Variants in PECAM1 observed in about 807,000 individuals in gnomAD.
PECAM1 encodes the protein platelet endothelial cell adhesion molecule.
Under a neutral mutation model 13.8 loss-of-function variants are expected in PECAM1, and 8 were observed. The ratio of observed to expected loss-of-function variants is 0.58; its 90% CI spans 0.34 to 1.05. The LOEUF is 1.05. PECAM1 is among the 50% of genes least tolerant of loss of function. PECAM1 has a pLI of 0.03. For synonymous variants in PECAM1, 136 were observed against 52.6 expected (o/e 2.58, Z -6.86); for missense variants, 304 against 141.2 (o/e 2.15, Z -5.84).
intron 4 of PECAM1, among the ~76,000 whole-genome samples, chr17:64,374,228 G>A (rs961188925): frequency 6.6e-6 from 1 of 152,168 alleles, no homozygotes; most frequent in East Asian, 1.9e-4. Flanking sequence ...GGTGGCTCAC[G>A]CCTGTAATCC....
At chr17:64,363,821 G>C (rs1309904758) in intron 5 of PECAM1, among the ~76,000 whole-genome samples, 1 of 151,966 alleles carries the variant, frequency 6.6e-6, no homozygotes, top group Non-Finnish European at 1.5e-5. Flanking sequence ...GTGGGCGCCT[G>C]TAATCCCAGA....
At chr17:64,384,198 G>A (rs987903839) in intron 2 of PECAM1, among the ~76,000 whole-genome samples, 12 of 152,070 alleles carry the variant, frequency 7.9e-5, no homozygotes, top group Non-Finnish European at 1.3e-4. Flanking sequence ...ACATTCCCAT[G>A]GCTAGCTCGA....
At chr17:64,355,616 C>T (rs1358963939) in intron 8 of PECAM1, among the ~76,000 whole-genome samples, 4 of 152,110 alleles carry the variant, frequency 2.6e-5, no homozygotes, top group South Asian at 2.1e-4. Context: ...TGAGCCACTG[C>T]GCCCAGCCTA....
intron 14 of PECAM1, among the ~76,000 whole-genome samples, chr17:64,335,090 C>T (rs1323992075): frequency 6.6e-6 from 1 of 151,466 alleles, no homozygotes; most frequent in African/African-American, 2.4e-5. Flanking sequence ...CCGCTCCAGA[C>T]CTAGTGAATG....
At chr17:64,351,395 AGAACAT>A (rs1338523673) in intron 11 of PECAM1, among the ~76,000 whole-genome samples, 1 of 152,216 alleles carries the variant, frequency 6.6e-6, no homozygotes, top group Non-Finnish European at 1.5e-5. Flanking sequence ...GAATTAGAAA[AGAACAT>A]GAGCATTCTA....
chr17:64,357,433 T>C (rs2035870959), intron 7 of PECAM1, among the ~76,000 whole-genome samples: 1 of 152,184 alleles, frequency 6.6e-6, no homozygotes, highest in Non-Finnish European at 1.5e-5. Flanking sequence ...CTACCTCCTG[T>C]ATCCGCTTTT....
chr17:64,390,648 G>A lies in PECAM1; in HGVS notation c.18C>T (p.Ala6=). The change falls in exon 1 of 16, where the codon GCC becomes GCT. Residue 6 remains alanine (A), a synonymous_variant. Transcript: ENST00000563924. ...CTCCAAGCCACATCGTGGCCCCTTG[G>A]GCCCACCTCGGCTGCATCCTGAGAG... MQPRW[A]QGATMWLGVL... is the part of the protein sequence containing the mutation. The A allele has an allele frequency of 2.1e-6, 1 of 469,430 alleles. No individual in the cohort carries two copies. Among genetic ancestry groups the A allele is most frequent in the African/African-American group, 2.0e-5 (1 of 50,556 alleles). 29.1% of individuals were successfully genotyped at this position (469,430 alleles called of 1,614,324 possible).
At chr17:64,343,815 G>A (rs1043716884) in intron 13 of PECAM1, among the ~76,000 whole-genome samples, 45 of 152,216 alleles carry the variant, frequency 3.0e-4, no homozygotes, top group Non-Finnish European at 5.3e-4. Flanking sequence ...TGTGGCACCA[G>A]ATGTGGGGGC....
intron 2 of PECAM1, among the ~76,000 whole-genome samples, chr17:64,389,328 G>A (rs1210372668): frequency 6.6e-6 from 1 of 152,172 alleles, no homozygotes; most frequent in African/African-American, 2.4e-5. Context: ...ACACTACTGA[G>A]CCCCCTCATT....
intron 10 of PECAM1, 150 bp downstream of exon 10, chr17:64,353,341 A>AC (rs2035775869): frequency 8.3e-6 from 3 of 361,862 alleles, no homozygotes; most frequent in African/African-American, 7.3e-5. Flanking sequence ...ACACACACAC[A>AC]ACTCACACAC....
At chr17:64,377,634 A>ACGG in intron 3 of PECAM1, 190 bp downstream of exon 3, 2 of 396,908 alleles carry the variant, frequency 5.0e-6, no homozygotes, top group Non-Finnish European at 8.9e-6. Context: ...GGAAGGAAGG[A>ACGG]AGGAAGGGCC....
At chr17:64,368,786 G>C (rs2036167993) in intron 5 of PECAM1, among the ~76,000 whole-genome samples, 1 of 150,878 alleles carries the variant, frequency 6.6e-6, no homozygotes, top group Non-Finnish European at 1.5e-5. Flanking sequence ...CTGGGAGGCA[G>C]AGGTTGTAGT....
Position 64,356,383 on chromosome 17 carries a change from A to G in PECAM1, c.1508T>C (p.Val503Ala). 2 of 468,484 alleles carry G rather than the reference A, an allele frequency of 4.3e-6. No individual in the cohort carries two copies. The highest frequency in any genetic ancestry group is 3.9e-6 in the Non-Finnish European group (1 of 256,090). The allele number at this position is 468,484 out of a possible 1,614,324, so 29.0% of individuals were successfully genotyped here. Reference protein sequence around the residue: ...RVKVIAPVDEVQISILSSKVV... With the variant: ...RVKVIAPVDEAQISILSSKVV... Reference sequence around the variant, plus strand: ...CTTACTTGACAGGATAGAAATCTGGACCTCATCCACCGGGGCTGAAAAGCA... The same window carrying G: ...CTTACTTGACAGGATAGAAATCTGGGCCTCATCCACCGGGGCTGAAAAGCA... Residue 503 changes from valine (V) to alanine (A), a missense_variant, in exon 8 of 16, where the codon GTC (valine) becomes GCC (alanine). Coordinates refer to ENST00000563924, the MANE Select transcript of PECAM1 (RefSeq NM_000442.5).
At chr17:64,373,707 A>G (rs1037298755) in intron 4 of PECAM1, among the ~76,000 whole-genome samples, 2 of 152,202 alleles carry the variant, frequency 1.3e-5, no homozygotes, top group Non-Finnish European at 2.9e-5. Flanking sequence ...CAGAGCACAC[A>G]TGATTTTATA....
chr17:64,325,910 C>T (rs1408002067), intron 15 of PECAM1, among the ~76,000 whole-genome samples: 3 of 152,166 alleles, frequency 2.0e-5, no homozygotes, highest in Admixed American at 2.0e-4. Context: ...GCTGGGGATG[C>T]AAGAAGCTGT....
At chr17:64,343,987 G>A (rs1398486755) in intron 13 of PECAM1, among the ~76,000 whole-genome samples, 1 of 152,180 alleles carries the variant, frequency 6.6e-6, no homozygotes, top group African/African-American at 2.4e-5. Context: ...GATCGGGCCT[G>A]GTCCCAGCTT....
intron 11 of PECAM1, among the ~76,000 whole-genome samples, chr17:64,351,574 G>A (rs2035724338): frequency 6.6e-6 from 1 of 152,156 alleles, no homozygotes; most frequent in African/African-American, 2.4e-5. Context: ...AATTAGCTGG[G>A]CATGGTGGCA....
In PECAM1 at chr17:64,361,309, C is replaced by G. The variant is rs1481939653; in HGVS notation, c.1217-894G>C. On this transcript the variant is annotated intron_variant, in intron 6 of 15. Coordinates refer to ENST00000563924, the MANE Select transcript of PECAM1 (RefSeq NM_000442.5). ...TACAGGCATGTGCCACCACACCCGG[C>G]TAACTTTTGTATTTTTAGTAGAGAG... Among the ~76,000 whole-genome samples, 3 of 152,090 alleles carry G rather than the reference C, an allele frequency of 2.0e-5. No individual in the cohort carries two copies. The South Asian group carries it at 6.2e-4, about 32-fold the overall frequency.
rs149392197 is a variant in PECAM1 at position 64,325,600 on chromosome 17, G to C, written c.2188-1755C>G. Among the ~76,000 whole-genome samples, 563 of 152,194 alleles carry C rather than the reference G, an allele frequency of 3.7e-3. 2 individuals are homozygous for C. Among genetic ancestry groups the C allele is most frequent in the African/African-American group, 0.013 (542 of 41,500 alleles). On this transcript the variant is annotated intron_variant, in intron 15 of 15. Coordinates refer to ENST00000563924, the MANE Select transcript of PECAM1 (RefSeq NM_000442.5). ...AAAATGCAAAGAATTAGGCATACATGGTGGTGTGCACCTGTAGTCCCAGCT... is the reference window on the plus strand; with the variant it reads ...AAAATGCAAAGAATTAGGCATACATCGTGGTGTGCACCTGTAGTCCCAGCT...
Sources: gnomAD v4.1 joint callset for allele counts (sites outside exome capture counted in the v4.1 genomes callset) on GRCh38, gnomAD v4.1.1 for gene constraint, MANE v1.5 for transcripts, NCBI Gene and HGNC (gene_info 2026-07-23, HGNC 2026-07-21) for gene names.